Variants in RBMS3 observed in about 807,000 individuals in gnomAD.
RBMS3 encodes the protein RNA binding motif single stranded interacting protein 3, also known as RNA-binding motif, single-stranded-interacting protein 3.
Under a neutral mutation model 66.8 loss-of-function variants are expected in RBMS3, and 27 were observed. The observed-to-expected ratio is 0.40, with a 90% CI of 0.30 to 0.56. The LOEUF (loss-of-function observed/expected upper bound fraction) is 0.56, where lower values mean the gene tolerates loss of function less well. Ranked by LOEUF, RBMS3 falls within the 20% of genes least tolerant of loss-of-function variation. The pLI, the probability that RBMS3 is intolerant of heterozygous loss-of-function variation, is 0.40. For missense variants in RBMS3, 513 were observed against 549.5 expected, an observed-to-expected ratio of 0.93 and a Z score of 0.66; for synonymous variants, 188 against 183.0, an observed-to-expected ratio of 1.03 and a Z score of -0.22.
At chr3:29,737,760 A>G (rs1381310950) in intron 4 of RBMS3, among the ~76,000 whole-genome samples, 2 of 151,838 alleles carry the variant, frequency 1.3e-5, no homozygotes, top group Non-Finnish European at 2.9e-5. Flanking sequence ...TAATAATATT[A>G]TCTCTGTTTT....
intron 10 of RBMS3, among the ~76,000 whole-genome samples, chr3:29,928,207 TATATACAC>T (rs1333586468): frequency 1.4e-4 from 16 of 112,264 alleles, no homozygotes; most frequent in African/African-American, 5.7e-4. Flanking sequence ...TATATATATA[TATATACAC>T]ACACACACAC....
intron 3 of RBMS3, among the ~76,000 whole-genome samples, chr3:29,584,852 C>A (rs1391273751): frequency 6.6e-6 from 1 of 152,038 alleles, no homozygotes; most frequent in East Asian, 1.9e-4. Context: ...ATCTCCTGAT[C>A]CCATTCTAGC....
At chr3:29,901,781 T>A (rs552877936) in intron 10 of RBMS3, among the ~76,000 whole-genome samples, 38 of 151,932 alleles carry the variant, frequency 2.5e-4, no homozygotes, top group African/African-American at 8.2e-4. Flanking sequence ...GTAATGTTTA[T>A]GGCTGGGGTG....
chr3:29,435,973 C>CTAAA (rs2041387219), intron 2 of RBMS3, among the ~76,000 whole-genome samples: 1 of 138,012 alleles, frequency 7.2e-6, no homozygotes, highest in Non-Finnish European at 1.6e-5. Context: ...GACTCCGTCT[C>CTAAA]AAAAAAAAAA....
At chr3:29,326,180 TA>T (rs1202937206) in intron 1 of RBMS3, among the ~76,000 whole-genome samples, 5 of 152,154 alleles carry the variant, frequency 3.3e-5, no homozygotes, top group African/African-American at 1.2e-4. Context: ...TGTTTCTTTT[TA>T]CTAAGTGCAT....
intron 1 of RBMS3, among the ~76,000 whole-genome samples, chr3:29,418,610 C>T (rs368351625): frequency 3.3e-5 from 5 of 152,044 alleles, no homozygotes; most frequent in East Asian, 3.9e-4. Flanking sequence ...GGGAGGATTT[C>T]GGCATTAAAA....
intron 1 of RBMS3, among the ~76,000 whole-genome samples, chr3:29,358,932 T>A (rs972406571): frequency 1.3e-5 from 2 of 152,212 alleles, no homozygotes; most frequent in African/African-American, 2.4e-5. Context: ...CTTATCAGCT[T>A]AAGGAGATTT....
At chr3:29,855,934 C>T (rs2059063338) in intron 6 of RBMS3, among the ~76,000 whole-genome samples, 1 of 151,974 alleles carries the variant, frequency 6.6e-6, no homozygotes, top group African/African-American at 2.4e-5. Context: ...TGCAGAGACC[C>T]TATACTCGAG....
At position 30,009,925 on chromosome 3, in the gene RBMS3, TA is replaced by T. The variant is rs748364213; in HGVS notation, c.*6068del. 33 of 151,504 alleles carry T rather than the reference TA, an allele frequency of 2.2e-4. No individual in the cohort carries two copies. Among genetic ancestry groups the T allele is most frequent in the Non-Finnish European group, 3.8e-4 (26 of 68,002 alleles). The allele number at this position is 151,504 out of a possible 1,614,324, so 9.4% of individuals were successfully genotyped here. A position where few individuals can be genotyped will look rare whatever the true frequency, so the allele number is the denominator to read the frequency against. On this transcript the variant is annotated 3_prime_UTR_variant, in exon 15 of 15. Transcript: ENST00000383767. ...GTTATTCCATGCTTTTCAGGAACTG[TA>T]AAAATTATTTCAAAAAGATATTTGA...
intron 1 of RBMS3, among the ~76,000 whole-genome samples, chr3:29,413,418 A>G (rs1424817050): frequency 9.4e-6 from 1 of 105,980 alleles, no homozygotes; most frequent in Non-Finnish European, 2.1e-5. Context: ...ACATACATAC[A>G]TACATACACA....
chr3:29,723,977 G>A (rs1226259902), intron 4 of RBMS3, among the ~76,000 whole-genome samples: 1 of 151,488 alleles, frequency 6.6e-6, no homozygotes, highest in Admixed American at 6.6e-5. Context: ...GCTTTGGTGA[G>A]CTAATTGACT....
chr3:29,997,295 G>A (rs1699310640), intron 14 of RBMS3, among the ~76,000 whole-genome samples: 1 of 151,568 alleles, frequency 6.6e-6, no homozygotes, highest in Non-Finnish European at 1.5e-5. Flanking sequence ...CAACCAAAAA[G>A]AGTCCAGGAT....
chr3:29,423,694 C>T (rs1010963540), intron 1 of RBMS3, among the ~76,000 whole-genome samples: 16 of 152,118 alleles, frequency 1.1e-4, no homozygotes, highest in African/African-American at 3.6e-4. Flanking sequence ...GCAGTCAGTA[C>T]CCACGTATGT....
intron 5 of RBMS3, among the ~76,000 whole-genome samples, chr3:29,759,919 G>A (rs1559642698): frequency 6.6e-6 from 1 of 152,024 alleles, no homozygotes; most frequent in South Asian, 2.1e-4. Flanking sequence ...GACACTAAGC[G>A]CCGGCAGCTA....
chr3:29,915,365 C>T (rs1256839189), intron 10 of RBMS3, among the ~76,000 whole-genome samples: 1 of 151,820 alleles, frequency 6.6e-6, no homozygotes, highest in African/African-American at 2.4e-5. Flanking sequence ...CAATGGCCAA[C>T]TTGAAAAAGC....
intron 5 of RBMS3, among the ~76,000 whole-genome samples, chr3:29,748,769 A>G (rs948033306): frequency 5.9e-5 from 9 of 152,188 alleles, no homozygotes; most frequent in African/African-American, 2.2e-4. Flanking sequence ...TGTTTTGAAG[A>G]AAGCATAGTA....
In RBMS3 at chr3:29,991,008, G is replaced by T; in HGVS notation, c.1180-74G>T. On this transcript the variant is annotated intron_variant, in intron 13 of 14. Coordinates refer to ENST00000383767, the MANE Select transcript of RBMS3 (RefSeq NM_001003793.3). ...TCTACTTAAGCCAAATAGAAGAGGGGTACTTACAGCCTATCTAGAGAGGGC... is the reference window on the plus strand; with the variant it reads ...TCTACTTAAGCCAAATAGAAGAGGGTTACTTACAGCCTATCTAGAGAGGGC... 7 of 1,443,352 alleles carry T rather than the reference G, an allele frequency of 4.8e-6. No individual in the cohort carries two copies. The Admixed American group carries it at 8.8e-5, about 18-fold the overall frequency. 89.4% of individuals were successfully genotyped at this position (1,443,352 alleles called of 1,614,324 possible).
chr3:29,344,936 C>G (rs921001118), intron 1 of RBMS3, among the ~76,000 whole-genome samples: 1 of 152,202 alleles, frequency 6.6e-6, no homozygotes, highest in African/African-American at 2.4e-5. Context: ...CCAGGACCTA[C>G]AGATTTCTCT....
intron 1 of RBMS3, among the ~76,000 whole-genome samples, chr3:29,287,615 T>G (rs1050821442): frequency 1.3e-5 from 2 of 152,106 alleles, no homozygotes; most frequent in Non-Finnish European, 2.9e-5. Context: ...TGCTTCCATT[T>G]CTGTAACAGA....
Sources: allele counts gnomAD v4.1 joint callset (sites outside exome capture counted in the v4.1 genomes callset), GRCh38; gene constraint gnomAD v4.1.1; transcripts MANE v1.5; gene names NCBI Gene and HGNC (gene_info 2026-07-23, HGNC 2026-07-21).